GALNT13: variants seen among roughly 807,000 people sequenced by gnomAD.
GALNT13 encodes the protein UDP-GalNAc:polypeptide N-acetylgalactosaminyltransferase 13.
GALNT13 carries 28 observed loss-of-function variants against 64.2 expected under a neutral mutation model. The observed-to-expected ratio is 0.44, with a 90% CI of 0.32 to 0.60. GALNT13 has a LOEUF of 0.60. Among genes scored for constraint, GALNT13 ranks in the 20% least tolerant of loss-of-function variants. GALNT13 has a pLI of 0.05. For synonymous variants in GALNT13, 214 were observed against 224.6 expected (o/e 0.95, Z 0.42); for missense variants, 577 against 669.8 (o/e 0.86, Z 1.53).
At chr2:153,086,692 CTAAG>C in the GALNT13 span, among the ~76,000 whole-genome samples, 3 of 150,644 alleles carry the variant, frequency 2.0e-5, no homozygotes, top group Non-Finnish European at 4.4e-5. Context: ...AATACTATTC[CTAAG>C]TATTTTATTT....
the GALNT13 span, among the ~76,000 whole-genome samples, chr2:153,494,038 A>G: frequency 3.9e-5 from 6 of 152,022 alleles, no homozygotes; most frequent in South Asian, 2.1e-4. Flanking sequence ...ACATTTTTGT[A>G]TAACAGCAAC....
At chr2:154,407,789 T>A (rs1699618611) in intron 10 of GALNT13, among the ~76,000 whole-genome samples, 3 of 152,120 alleles carry the variant, frequency 2.0e-5, no homozygotes, top group Non-Finnish European at 4.4e-5. Flanking sequence ...CAAATGGGAA[T>A]TCTGATCCAT....
chr2:153,170,404 C>G, the GALNT13 span, among the ~76,000 whole-genome samples: 1 of 152,064 alleles, frequency 6.6e-6, no homozygotes, highest in Non-Finnish European at 1.5e-5. Flanking sequence ...GATTCAACCT[C>G]AGACTTGAGG....
chr2:153,546,986 A>G, the GALNT13 span, among the ~76,000 whole-genome samples: 1 of 152,208 alleles, frequency 6.6e-6, no homozygotes, highest in Non-Finnish European at 1.5e-5. Context: ...AGTTCTATTT[A>G]TAAAGCTAGC....
At chr2:153,477,983 T>C in the GALNT13 span, 2 of 525,130 alleles carry the variant, frequency 3.8e-6, no homozygotes, top group Non-Finnish European at 6.8e-6. Context: ...GCTTCCAAAG[T>C]TCTGCGCCCT....
chr2:154,233,587 G>A (rs532425720), intron 4 of GALNT13, among the ~76,000 whole-genome samples: 52 of 152,260 alleles, frequency 3.4e-4, no homozygotes, highest in Non-Finnish European at 5.9e-4. Context: ...GGAAGTCTCA[G>A]TTCTGAACAA....
intron 3 of GALNT13, among the ~76,000 whole-genome samples, chr2:154,133,252 A>G (rs72871858): frequency 1.3e-5 from 2 of 151,976 alleles, no homozygotes; most frequent in African/African-American, 4.8e-5. Flanking sequence ...GTAGTTATAC[A>G]AAATATTATT....
intron 4 of GALNT13, among the ~76,000 whole-genome samples, chr2:154,169,416 A>C (rs1170746187): frequency 6.6e-6 from 1 of 152,206 alleles, no homozygotes; most frequent in Non-Finnish European, 1.5e-5. Context: ...GAAGAATTAT[A>C]TGAACACAAC....
the GALNT13 span, among the ~76,000 whole-genome samples, chr2:153,514,611 G>A: frequency 0.092 from 13,910 of 152,012 alleles, 678 homozygotes; most frequent in Middle Eastern, 0.15. Context: ...CTTCTCCTCC[G>A]CACTCTCCAT....
chr2:154,352,606 A>G (rs536447503), intron 9 of GALNT13, among the ~76,000 whole-genome samples: 3 of 152,298 alleles, frequency 2.0e-5, no homozygotes, highest in Admixed American at 6.5e-5. Context: ...AGTTGTATAC[A>G]ATGAGCTTGA....
chr2:153,846,594 A>G, the GALNT13 span, among the ~76,000 whole-genome samples: 3 of 152,182 alleles, frequency 2.0e-5, no homozygotes, highest in Non-Finnish European at 4.4e-5. Flanking sequence ...TAAAGATCAC[A>G]TTAAAAGATA....
At chr2:154,316,045 G>A (rs764078904) in intron 9 of GALNT13, among the ~76,000 whole-genome samples, 2 of 152,042 alleles carry the variant, frequency 1.3e-5, no homozygotes, top group South Asian at 2.1e-4. Context: ...CTGAGATCGC[G>A]CCACTGCACT....
At chr2:153,697,514 T>A in the GALNT13 span, among the ~76,000 whole-genome samples, 3 of 152,204 alleles carry the variant, frequency 2.0e-5, no homozygotes, top group Non-Finnish European at 4.4e-5. Context: ...GAACTGGATA[T>A]TTCTGAATGT....
chr2:153,769,781 A>T, the GALNT13 span, among the ~76,000 whole-genome samples: 1 of 152,166 alleles, frequency 6.6e-6, no homozygotes, highest in Non-Finnish European at 1.5e-5. Flanking sequence ...CTCAGTTTTT[A>T]AAATTCTTCA....
chr2:153,771,984 G>A, the GALNT13 span, among the ~76,000 whole-genome samples: 3 of 152,178 alleles, frequency 2.0e-5, no homozygotes, highest in African/African-American at 7.2e-5. Context: ...GCATATGTAG[G>A]CTGGTTCCAA....
intron 10 of GALNT13, among the ~76,000 whole-genome samples, chr2:154,408,244 T>A (rs1699641400): frequency 6.6e-6 from 1 of 152,102 alleles, no homozygotes; most frequent in Admixed American, 6.6e-5. Context: ...GGTTTTGTAA[T>A]TACATTTGGC....
At chr2:154,019,654 A>G (rs1180018633) in intron 3 of GALNT13, among the ~76,000 whole-genome samples, 3 of 105,416 alleles carry the variant, frequency 2.8e-5, no homozygotes, top group Non-Finnish European at 7.2e-5. Flanking sequence ...ACACACACAC[A>G]AAAGCAAGAA....
the GALNT13 span, among the ~76,000 whole-genome samples, chr2:153,433,351 TTTAATG>T: frequency 1.4e-4 from 22 of 152,184 alleles, no homozygotes; most frequent in Non-Finnish European, 3.2e-4. Context: ...TTCCCCTTGA[TTTAATG>T]TCAAGTATAA....
the GALNT13 span, among the ~76,000 whole-genome samples, chr2:153,845,715 A>G: frequency 2.0e-5 from 3 of 152,250 alleles, no homozygotes; most frequent in African/African-American, 7.2e-5. Flanking sequence ...ACATAATGAT[A>G]AATATTTTCC....
Sources: allele counts gnomAD v4.1 joint callset (sites outside exome capture counted in the v4.1 genomes callset), GRCh38; gene constraint gnomAD v4.1.1; transcripts MANE v1.5; gene names NCBI Gene and HGNC (gene_info 2026-07-23, HGNC 2026-07-21).